PTPA: variants seen among roughly 807,000 people sequenced by gnomAD.
PTPA encodes the protein protein phosphatase 2 phosphatase activator.
Under a neutral mutation model 43.6 loss-of-function variants are expected in PTPA, and 13 were observed. That is an observed-to-expected ratio of 0.30 (90% CI 0.19 to 0.47). The LOEUF (loss-of-function observed/expected upper bound fraction) is 0.47, where lower values mean the gene tolerates loss of function less well. Ranked by LOEUF, PTPA falls within the 20% of genes least tolerant of loss-of-function variation. The pLI is 0.99. For synonymous variants in PTPA, 172 were observed against 158.2 expected, an observed-to-expected ratio of 1.09 and a Z score of -0.66; for missense variants, 329 against 411.9, an observed-to-expected ratio of 0.80 and a Z score of 1.74.
chr9:129,135,804 G>T (rs1310946732), intron 6 of PTPA, among the ~76,000 whole-genome samples: 1 of 152,194 alleles, frequency 6.6e-6, no homozygotes, highest in African/African-American at 2.4e-5. Flanking sequence ...AATATAGAAG[G>T]TTGGAACCAG....
intron 9 of PTPA, chr9:129,142,962 C>T: frequency 3.6e-6 from 5 of 1,390,570 alleles, no homozygotes; most frequent in African/African-American, 1.4e-5. Context: ...CTCCAAAGTG[C>T]TGCCTTCAAA....
intron 7 of PTPA, 69 bp downstream of exon 7, chr9:129,136,664 C>T (rs775455906): frequency 1.3e-6 from 2 of 1,486,918 alleles, no homozygotes; most frequent in Admixed American, 2.0e-5. Flanking sequence ...CTCCCCTGCC[C>T]CTCCTGCGCT....
At chr9:129,131,755 C>G in intron 5 of PTPA, 116 bp downstream of exon 5, 1 of 1,041,476 alleles carries the variant, frequency 9.6e-7, no homozygotes, top group Non-Finnish European at 1.5e-6. Flanking sequence ...TCGCCAAGCA[C>G]CTGCAACCTA....
In PTPA at chr9:129,146,466, C is replaced by T. The variant is rs550763266; in HGVS notation, c.895-921C>T. ...GTTAGTTGGAGGTTAAGATCACAGC[C>T]ACAGAGTGAGGCTCTTACTCTCTCT... is the stretch of plus-strand genomic sequence containing the variant. On this transcript the variant is annotated intron_variant, in intron 9 of 9. Transcript: ENST00000393370. 8.5e-5 allele frequency among the ~76,000 whole-genome samples: 13 copies of T among 152,352 alleles called. No individual in the cohort carries two copies. The East Asian group carries it at 2.1e-3, about 25-fold the overall frequency.
intron 9 of PTPA, among the ~76,000 whole-genome samples, chr9:129,144,753 A>G (rs1851181516): frequency 6.8e-6 from 1 of 146,284 alleles, no homozygotes; most frequent in Non-Finnish European, 1.5e-5. Context: ...AAAAAAAAAA[A>G]AAGATCACCA....
chr9:129,125,755 T>A (rs1429580665), intron 3 of PTPA, among the ~76,000 whole-genome samples: 1 of 152,216 alleles, frequency 6.6e-6, no homozygotes, highest in African/African-American at 2.4e-5. Flanking sequence ...GTCTTTTGCA[T>A]AGCGCCTAAC....
rs969990543 is a variant in PTPA at position 129,111,503 on chromosome 9, C to T, written c.-98C>T. On this transcript the variant is annotated 5_prime_UTR_variant, in exon 1 of 10. Coordinates refer to ENST00000393370, the MANE Select transcript of PTPA (RefSeq NM_178000.3). ...GGCGCTCACTTGTCTTCAGGAAGCT[C>T]GGAGCCTTTGGTGGAGCCGGGGAGA... 4 of 1,268,180 alleles carry T rather than the reference C, an allele frequency of 3.2e-6. No homozygotes were observed. The highest frequency in any genetic ancestry group is 4.0e-6 in the Non-Finnish European group (4 of 998,644). 78.6% of individuals were successfully genotyped at this position (1,268,180 alleles called of 1,614,324 possible).
chr9:129,135,439 T>C (rs966956183), intron 6 of PTPA, among the ~76,000 whole-genome samples: 2 of 152,192 alleles, frequency 1.3e-5, no homozygotes, highest in Non-Finnish European at 2.9e-5. Context: ...ATTGACACAG[T>C]GTTGACCATA....
chr9:129,143,659 C>T lies in PTPA; in HGVS notation c.894+1107C>T, dbSNP rs192867389. The T allele has an allele frequency of 4.1e-4, 212 of 517,434 alleles. 1 individual carries two copies. The highest frequency in any genetic ancestry group is 2.8e-3 in the South Asian group (112 of 39,904). The allele number at this position is 517,434 out of a possible 1,614,324, so 32.1% of individuals were successfully genotyped here. A position where few individuals can be genotyped will look rare whatever the true frequency, so the allele number is the denominator to read the frequency against. On this transcript the variant is annotated intron_variant, in intron 9 of 9. Transcript: ENST00000393370. ...CCGGGCCCTCACTCCCTTCCGCCCC[C>T]TCCCCCTTTGGTCCCCTTCCTCTGG...
chr9:129,120,024 A>G (rs1026546697), intron 1 of PTPA, among the ~76,000 whole-genome samples: 3 of 152,138 alleles, frequency 2.0e-5, no homozygotes, highest in Non-Finnish European at 1.5e-5. Context: ...TTTGGAGGCC[A>G]AGGCGGGTGG....
At chr9:129,143,526 G>A (rs947398549) in intron 9 of PTPA, 12 of 688,018 alleles carry the variant, frequency 1.7e-5, no homozygotes, top group East Asian at 8.1e-5. Flanking sequence ...GCGGGACAAC[G>A]GGGAAGGGTG....
chr9:129,115,069 G>A (rs1848779022), intron 1 of PTPA, among the ~76,000 whole-genome samples: 1 of 152,024 alleles, frequency 6.6e-6, no homozygotes, highest in Non-Finnish European at 1.5e-5. Context: ...GCATGATCTT[G>A]GCTCAGTGCA....
rs572843837 is a variant in PTPA, at chr9:129,113,067, T to TC, written c.31+1437dup. Among the ~76,000 whole-genome samples, 167 of 82,238 alleles carry TC rather than the reference T, an allele frequency of 2.0e-3. 1 individual carries two copies. In the South Asian group the frequency reaches 0.032, roughly 16 times the overall value. The allele number at this position is 82,238 out of a possible 152,430, so 54.0% of individuals were successfully genotyped here. Reference sequence around the variant, plus strand: ...GATGGCTGATGAGCTAAAAAAAAAGTCGCAAAAAAAAAAATCTCATAATGG... The same window carrying TC: ...GATGGCTGATGAGCTAAAAAAAAAGTCCGCAAAAAAAAAAATCTCATAATGG... On this transcript the variant is annotated intron_variant, in intron 1 of 9. Transcript: ENST00000393370.
chr9:129,146,822 C>T (rs1851334243), intron 9 of PTPA, among the ~76,000 whole-genome samples: 1 of 152,218 alleles, frequency 6.6e-6, no homozygotes, highest in Non-Finnish European at 1.5e-5. Context: ...AGCCATTCCC[C>T]TGTTCAGCGC....
intron 1 of PTPA, among the ~76,000 whole-genome samples, chr9:129,118,813 C>CT (rs10712319): frequency 0.29 from 41,271 of 140,548 alleles, 5,929 homozygotes; most frequent in Admixed American, 0.34. Flanking sequence ...CTATGCCCAG[C>CT]TTTTTTTTTT....
At chr9:129,121,136 C>G (rs1456158553) in intron 2 of PTPA, among the ~76,000 whole-genome samples, 2 of 152,226 alleles carry the variant, frequency 1.3e-5, no homozygotes, top group African/African-American at 4.8e-5. Flanking sequence ...ACCTCTCAGG[C>G]TTGTGGTACA....
chr9:129,126,902 TC>T (rs1009252114), intron 3 of PTPA, among the ~76,000 whole-genome samples: 1 of 152,238 alleles, frequency 6.6e-6, no homozygotes, highest in East Asian at 1.9e-4. Context: ...CTCCTGTGAC[TC>T]CGTCTTCTCT....
chr9:129,124,965 G>A (rs1286649404), intron 3 of PTPA, among the ~76,000 whole-genome samples: 1 of 152,232 alleles, frequency 6.6e-6, no homozygotes, highest in Non-Finnish European at 1.5e-5. Flanking sequence ...AACCAGGCCT[G>A]TGCTTCTGGT....
At chr9:129,111,369 C>T (rs1848463747), upstream of PTPA, 8 of 1,216,114 alleles carry the variant, frequency 6.6e-6, no homozygotes, top group Admixed American at 4.4e-5. Context: ...TTCCGCGCGT[C>T]CGCCGCGCGC....
Sources: gnomAD v4.1 joint callset for allele counts (sites outside exome capture counted in the v4.1 genomes callset) on GRCh38, gnomAD v4.1.1 for gene constraint, MANE v1.5 for transcripts, NCBI Gene and HGNC (gene_info 2026-07-23, HGNC 2026-07-21) for gene names.